The following LRCH2 variants were observed in gnomAD, a reference collection of about 807,000 sequenced individuals.
LRCH2 encodes leucine-rich repeat and calponin homology domain-containing protein 2.
In LRCH2, 38 loss-of-function variants were observed where a neutral mutation model predicts 68.9. That is an observed-to-expected ratio of 0.55 (90% CI 0.43 to 0.72). The LOEUF is 0.72. LRCH2 is among the 30% of genes least tolerant of loss of function. The pLI, the probability that LRCH2 is intolerant of heterozygous loss-of-function variation, is 0.00. For synonymous variants in LRCH2, 191 were observed against 208.1 expected (o/e 0.92, Z 0.71); for missense variants, 528 against 572.9 (o/e 0.92, Z 0.80).
At chrX:115,185,902 G>T (rs1233618083) in intron 2 of LRCH2, among the ~76,000 whole-genome samples, 1 of 111,495 alleles carries the variant, frequency 9.0e-6, no homozygotes, top group Non-Finnish European at 1.9e-5. Flanking sequence ...CTGAAAAAGG[G>T]GGGTAGTATA....
chrX:115,172,231 G>A (rs1468569620), intron 5 of LRCH2, among the ~76,000 whole-genome samples: 1 of 111,428 alleles, frequency 9.0e-6, no homozygotes, highest in Non-Finnish European at 1.9e-5. Context: ...CTCTTCAGAA[G>A]TATAACATAG....
At chrX:115,178,906 T>C (rs1386511860) in intron 5 of LRCH2, among the ~76,000 whole-genome samples, 1 of 112,131 alleles carries the variant, frequency 8.9e-6, no homozygotes, top group Admixed American at 9.5e-5. Flanking sequence ...TGACATCTCT[T>C]CCCCACTGTC....
intron 14 of LRCH2, among the ~76,000 whole-genome samples, chrX:115,141,144 G>A (rs782259483): frequency 1.3e-3 from 140 of 107,940 alleles, no homozygotes; most frequent in Non-Finnish European, 2.2e-3. Flanking sequence ...AGGCTGAGGC[G>A]GGAGAATGGC....
intron 10 of LRCH2, 27 bp from the exon 11 acceptor site, chrX:115,163,810 C>A: frequency 9.3e-7 from 1 of 1,079,249 alleles, no homozygotes. Flanking sequence ...ACATGGTTAT[C>A]CAAAAAGTAA....
Position 115,134,064 on chromosome X carries a change from C to G in LRCH2, c.1696-3865G>C, listed in dbSNP as rs782772379. ...CACCAAAAATAAGAAAGTGAAACAGCCTTATTGCTGATATGGACAAAGTTT... is the reference window on the plus strand; with the variant it reads ...CACCAAAAATAAGAAAGTGAAACAGGCTTATTGCTGATATGGACAAAGTTT... On this transcript the variant is annotated intron_variant, in intron 14 of 20. Coordinates refer to ENST00000317135, the MANE Select transcript of LRCH2 (RefSeq NM_020871.4). 4.5e-5 allele frequency among the ~76,000 whole-genome samples: 5 copies of G among 111,952 alleles called. No homozygotes were observed. The East Asian group carries it at 1.4e-3, about 32-fold the overall frequency.
chrX:115,199,584 A>G (rs1449578649), intron 1 of LRCH2, among the ~76,000 whole-genome samples: 1 of 112,069 alleles, frequency 8.9e-6, no homozygotes, highest in Non-Finnish European at 1.9e-5. Context: ...AAAGGGATCA[A>G]TCTGGCAAGA....
chrX:115,143,488 A>C (rs2072356703), intron 14 of LRCH2, among the ~76,000 whole-genome samples: 3 of 111,562 alleles, frequency 2.7e-5, no homozygotes. Context: ...ATCTGTAATA[A>C]ATAGTCTCCC....
chrX:115,182,535 A>T (rs1379212950), intron 3 of LRCH2, among the ~76,000 whole-genome samples: 2 of 111,942 alleles, frequency 1.8e-5, no homozygotes, highest in African/African-American at 6.5e-5. Context: ...AGAAAAACAC[A>T]TCTTAAGAGT....
At chrX:115,169,272 T>C (rs782274815) in intron 6 of LRCH2, among the ~76,000 whole-genome samples, 1 of 112,083 alleles carries the variant, frequency 8.9e-6, no homozygotes, top group South Asian at 3.7e-4. Context: ...CAACAAAACA[T>C]AACTGAATCT....
chrX:115,192,860 T>A (rs187730633), intron 1 of LRCH2: 2 of 415,515 alleles, frequency 4.8e-6, no homozygotes, highest in Admixed American at 4.3e-5. Flanking sequence ...GTTAAAAGTA[T>A]AAGATATGAA....
At chrX:115,121,953 G>C (rs2072147460) in intron 20 of LRCH2, among the ~76,000 whole-genome samples, 1 of 111,097 alleles carries the variant, frequency 9.0e-6, no homozygotes, top group Admixed American at 9.6e-5. Flanking sequence ...GCAATATTGT[G>C]ATTATATATC....
chrX:115,141,377 G>T (rs1296547490), intron 14 of LRCH2, among the ~76,000 whole-genome samples: 5 of 111,422 alleles, frequency 4.5e-5, no homozygotes, highest in Non-Finnish European at 9.4e-5. Flanking sequence ...ATCAACATAT[G>T]TAAGACAAAC....
intron 1 of LRCH2, among the ~76,000 whole-genome samples, chrX:115,211,947 T>C (rs1556570121): frequency 8.9e-6 from 1 of 112,349 alleles, no homozygotes; most frequent in Admixed American, 9.4e-5. Context: ...TGGGCTCTTA[T>C]TACTTTTCAA....
At chrX:115,124,413 A>G (rs1165060686) in intron 16 of LRCH2, among the ~76,000 whole-genome samples, 9 of 112,338 alleles carry the variant, frequency 8.0e-5, no homozygotes, top group African/African-American at 2.6e-4. Flanking sequence ...GAAGGCAAAC[A>G]TATTTGTATA....
intron 1 of LRCH2, 121 bp downstream of exon 1, chrX:115,233,572 T>C (rs2073166833): frequency 9.7e-6 from 7 of 722,815 alleles, no homozygotes; most frequent in Non-Finnish European, 1.2e-5. Flanking sequence ...CCCGACTTTG[T>C]TAGTCTGGCG....
At chrX:115,131,115 A>AT (rs201389470) in intron 14 of LRCH2, among the ~76,000 whole-genome samples, 1,718 of 110,129 alleles carry the variant, frequency 0.016, 33 homozygotes, top group African/African-American at 0.053. Flanking sequence ...TTTGTGGTCA[A>AT]TTTTTTTTAT....
chrX:115,183,066 A>G (rs1433283857), intron 3 of LRCH2, among the ~76,000 whole-genome samples: 1 of 108,822 alleles, frequency 9.2e-6, no homozygotes, highest in Admixed American at 9.8e-5. Context: ...ACACGCACGC[A>G]CACGCACACA....
At chrX:115,129,003 C>T (rs1455551710) in intron 15 of LRCH2, among the ~76,000 whole-genome samples, 1 of 111,792 alleles carries the variant, frequency 8.9e-6, no homozygotes, top group East Asian at 2.8e-4. Context: ...CGGATATTAG[C>T]GAAAAAGTGG....
intron 20 of LRCH2, among the ~76,000 whole-genome samples, chrX:115,115,847 CAA>C (rs1389764301): frequency 9.7e-6 from 1 of 102,817 alleles, no homozygotes. Flanking sequence ...AACTACAACT[CAA>C]AAAAAAAAGA....
Sources: allele counts gnomAD v4.1 joint callset (sites outside exome capture counted in the v4.1 genomes callset), GRCh38; gene constraint gnomAD v4.1.1; transcripts MANE v1.5; gene names NCBI Gene and HGNC (gene_info 2026-07-23, HGNC 2026-07-21).